Variants in SPOCK1 observed in about 807,000 individuals in gnomAD.
The protein encoded by SPOCK1 is testican-1.
Under a neutral mutation model 55.3 loss-of-function variants are expected in SPOCK1, and 23 were observed. The ratio of observed to expected loss-of-function variants is 0.42; its 90% CI spans 0.30 to 0.59. SPOCK1 has a LOEUF of 0.59. SPOCK1 is among the 20% of genes least tolerant of loss of function. The probability of loss-of-function intolerance (pLI) is 0.22; values close to 1 mark genes in which losing one functional copy is unlikely to be tolerated. For missense variants in SPOCK1, 499 were observed against 552.5 expected (o/e 0.90, Z 0.97); for synonymous variants, 226 against 221.0 (o/e 1.02, Z -0.20).
chr5:137,250,615 C>T (rs1415394408), intron 3 of SPOCK1, among the ~76,000 whole-genome samples: 1 of 152,154 alleles, frequency 6.6e-6, no homozygotes, highest in Non-Finnish European at 1.5e-5. Flanking sequence ...CTGCTTGCCC[C>T]TGTGTGCAGA....
chr5:137,138,934 T>A (rs1754043016), intron 4 of SPOCK1, among the ~76,000 whole-genome samples: 1 of 152,334 alleles, frequency 6.6e-6, no homozygotes. Context: ...CAGACAATCC[T>A]GGGTTTGAAT....
intron 2 of SPOCK1, among the ~76,000 whole-genome samples, chr5:137,495,344 T>C (rs1580959316): frequency 6.6e-6 from 1 of 152,192 alleles, no homozygotes; most frequent in South Asian, 2.1e-4. Flanking sequence ...CGCACCCCAC[T>C]GTCATATTCA....
intron 6 of SPOCK1, among the ~76,000 whole-genome samples, chr5:137,012,828 GA>G (rs532353500): frequency 6.6e-6 from 1 of 152,152 alleles, no homozygotes; most frequent in Non-Finnish European, 1.5e-5. Flanking sequence ...GCTTATCATA[GA>G]AAAAATAACC....
chr5:137,066,987 C>CACACACAGAGAGAGAGAGAGAG (rs1343691789), intron 6 of SPOCK1, among the ~76,000 whole-genome samples: 73 of 139,646 alleles, frequency 5.2e-4, no homozygotes, highest in Admixed American at 1.3e-3. Context: ...CACACACACA[C>CACACACAGAGAGAGAGAGAGAG]AGAGAGAGAG....
chr5:137,161,015 T>C (rs1005444408), intron 3 of SPOCK1, among the ~76,000 whole-genome samples: 2 of 145,856 alleles, frequency 1.4e-5, no homozygotes, highest in Admixed American at 1.4e-4. Context: ...GAGATATATA[T>C]ATATATATAT....
intron 3 of SPOCK1, among the ~76,000 whole-genome samples, chr5:137,187,509 C>A (rs1755092004): frequency 6.6e-6 from 1 of 152,196 alleles, no homozygotes; most frequent in Non-Finnish European, 1.5e-5. Context: ...AATTTCTCAT[C>A]TATAGCAAAT....
intron 5 of SPOCK1, among the ~76,000 whole-genome samples, chr5:137,099,986 C>A (rs551022106): frequency 1.3e-5 from 2 of 152,268 alleles, no homozygotes; most frequent in South Asian, 4.1e-4. Flanking sequence ...TTACATCTTG[C>A]AAGCTCAACT....
intron 2 of SPOCK1, among the ~76,000 whole-genome samples, chr5:137,488,834 C>G (rs2149844650): frequency 6.6e-6 from 1 of 152,248 alleles, no homozygotes; most frequent in African/African-American, 2.4e-5. Flanking sequence ...TGACGGTGCC[C>G]TCTGGAGTGT....
Position 137,011,191 on chromosome 5 carries a change from A to T in SPOCK1, c.590-18591T>A, listed in dbSNP as rs138825726. ...GCAAATTATATAGACTTCGCACTTC[A>T]GAGCATTGAAGAAAACAAAGGTACC... On this transcript the variant is annotated intron_variant, in intron 6 of 10. Coordinates refer to ENST00000394945, the MANE Select transcript of SPOCK1 (RefSeq NM_004598.4). Among the ~76,000 whole-genome samples, 198 of 152,316 alleles carry T rather than the reference A, an allele frequency of 1.3e-3. 2 individuals carry two copies. Among genetic ancestry groups the T allele is most frequent in the African/African-American group, 4.5e-3 (186 of 41,578 alleles).
intron 2 of SPOCK1, among the ~76,000 whole-genome samples, chr5:137,383,420 A>T (rs1421361535): frequency 6.6e-6 from 1 of 152,156 alleles, no homozygotes; most frequent in African/African-American, 2.4e-5. Context: ...CTGAGTTTCA[A>T]CTATGTCTGT....
intron 2 of SPOCK1, among the ~76,000 whole-genome samples, chr5:137,443,854 C>T (rs916216072): frequency 6.6e-6 from 1 of 152,190 alleles, no homozygotes; most frequent in Non-Finnish European, 1.5e-5. Context: ...TGAATCATCT[C>T]CCTAACTTGA....
intron 3 of SPOCK1, among the ~76,000 whole-genome samples, chr5:137,231,762 G>A (rs1243887613): frequency 2.0e-5 from 3 of 152,232 alleles, no homozygotes; most frequent in African/African-American, 7.2e-5. Flanking sequence ...GCTCAAGAGT[G>A]CAATTGCTGC....
At chr5:137,263,608 T>A (rs117755868) in intron 3 of SPOCK1, among the ~76,000 whole-genome samples, 1 of 152,320 alleles carries the variant, frequency 6.6e-6, no homozygotes, top group East Asian at 1.9e-4. Context: ...CCCAACTCTC[T>A]CTGCACAGTG....
At chr5:136,999,021 G>A (rs1429586293) in intron 6 of SPOCK1, among the ~76,000 whole-genome samples, 1 of 152,180 alleles carries the variant, frequency 6.6e-6, no homozygotes, top group Non-Finnish European at 1.5e-5. Flanking sequence ...GGAAGAAAAC[G>A]TGATCGCTCT....
In SPOCK1 at chr5:136,988,584, A is replaced by G. The variant is rs373166420; in HGVS notation, c.766T>C (p.Leu256=). The part of the protein sequence containing the change: ...KDSLGWMFNK[L]DMNYDLLLDP... ...AGCAGGAGGTCATAGTTCATGTCCAACTTGTTGAACATCCAGCCCAGGGAG... is the reference window on the plus strand; with the variant it reads ...AGCAGGAGGTCATAGTTCATGTCCAGCTTGTTGAACATCCAGCCCAGGGAG... The change falls in exon 8 of 11, where the codon TTG becomes CTG. Residue 256 remains leucine (L), a synonymous_variant. Coordinates refer to ENST00000394945, the MANE Select transcript of SPOCK1 (RefSeq NM_004598.4). 4.6e-5 allele frequency: 75 copies of G among 1,613,918 alleles called. No homozygotes were observed. The highest frequency in any genetic ancestry group is 6.2e-5 in the Non-Finnish European group (73 of 1,179,966).
chr5:137,470,114 A>G (rs139402405), intron 2 of SPOCK1, among the ~76,000 whole-genome samples: 208 of 152,272 alleles, frequency 1.4e-3, no homozygotes, highest in African/African-American at 4.2e-3. Context: ...GATGGCCTGC[A>G]TGATGTTTGT....
At chr5:137,028,606 G>T (rs1751720102) in intron 6 of SPOCK1, among the ~76,000 whole-genome samples, 1 of 152,092 alleles carries the variant, frequency 6.6e-6, no homozygotes, top group African/African-American at 2.4e-5. Context: ...GATGGGTCCT[G>T]GGGTAGAGAG....
intron 2 of SPOCK1, among the ~76,000 whole-genome samples, chr5:137,295,278 C>A (rs7737043): frequency 6.6e-6 from 1 of 152,096 alleles, no homozygotes; most frequent in African/African-American, 2.4e-5. Context: ...AATCGACATG[C>A]CTTTCACATA....
intron 5 of SPOCK1, among the ~76,000 whole-genome samples, chr5:137,093,393 T>C (rs374266930): frequency 2.6e-5 from 4 of 152,248 alleles, no homozygotes; most frequent in African/African-American, 7.2e-5. Flanking sequence ...ATGAGAACTA[T>C]AGCACTTTAA....
Sources: allele counts gnomAD v4.1 joint callset (sites outside exome capture counted in the v4.1 genomes callset), GRCh38; gene constraint gnomAD v4.1.1; transcripts MANE v1.5; gene names NCBI Gene and HGNC (gene_info 2026-07-23, HGNC 2026-07-21).